The following MACF1 variants were observed in gnomAD, a reference collection of about 807,000 sequenced individuals.
The protein encoded by MACF1 is microtubule actin crosslinking factor 1.
In MACF1, 193 loss-of-function variants were observed where a neutral mutation model predicts 854.8. That is an observed-to-expected ratio of 0.23 (90% confidence interval 0.20 to 0.25). The LOEUF is 0.25. Ranked by LOEUF, MACF1 falls within the 10% of genes least tolerant of loss-of-function variation. The pLI, the probability that MACF1 is intolerant of heterozygous loss-of-function variation, is 1.00. For missense variants in MACF1, 7,722 were observed against 8,929.1 expected (o/e 0.86, Z 5.45); for synonymous variants, 3,185 against 3,226.7 (o/e 0.99, Z 0.44).
At chr1:39,179,614 A>G (rs1644077259) in intron 2 of MACF1, among the ~76,000 whole-genome samples, 1 of 152,064 alleles carries the variant, frequency 6.6e-6, no homozygotes, top group African/African-American at 2.4e-5. Flanking sequence ...TAGGCATTCA[A>G]TTATGTGTGA....
At chr1:39,308,225 C>G (rs902752545) in intron 23 of MACF1, among the ~76,000 whole-genome samples, 2 of 152,122 alleles carry the variant, frequency 1.3e-5, no homozygotes, top group East Asian at 3.8e-4. Context: ...TTATTTCATT[C>G]TCCTTGTTTT....
intron 21 of MACF1, chr1:39,299,379 C>T (rs1412657102): frequency 2.3e-6 from 1 of 426,826 alleles, no homozygotes; most frequent in Non-Finnish European, 4.7e-6. Flanking sequence ...AAGCCCTCTT[C>T]TGGGGAGACT....
Position 39,385,851 on chromosome 1 carries a change from G to A in MACF1, c.14266G>A (p.Glu4756Lys). 1.9e-6 allele frequency: 3 copies of A among 1,614,184 alleles called. No homozygotes were observed. Among genetic ancestry groups the A allele is most frequent in the Non-Finnish European group, 2.5e-6 (3 of 1,180,026 alleles). Residue 4756 changes from glutamate to lysine, a missense_variant, in exon 57 of 101, where the codon GAG becomes AAG. This residue lies in a region of MACF1 where 2,807 missense variants were observed against 3,235.8 expected (regional missense o/e 0.87). Coordinates refer to ENST00000564288, the MANE Select transcript of MACF1 (RefSeq NM_001394062.1). ...LCDELSVLIG[E>K]QYLKDELKKR... ...CGATGAACTCTCAGTGCTCATTGGT[G>A]AGCAGTACCTCAAGGATGAACTGAA...
At position 39,336,154 on chromosome 1, in the gene MACF1, TCA is replaced by T. The variant is rs1170844731; in HGVS notation, c.9569_9570del (p.Thr3190SerfsTer3). On this transcript the variant is annotated frameshift_variant, in exon 37 of 101. Transcript: ENST00000564288. LOFTEE classifies it high-confidence loss of function. ...GCAAGAGGTCTTAAATTGGAAGAAA[TCA>T]CAGTTTCTAGACCAGATTCAAAAGA... 1.2e-6 allele frequency: 2 copies of T among 1,613,978 alleles called. No individual in the cohort carries two copies. The highest frequency in any genetic ancestry group is 1.7e-6 in the Non-Finnish European group (2 of 1,180,024).
At position 39,434,403 on chromosome 1, in the gene MACF1, TGCTCACA is replaced by T; in HGVS notation, c.17566-10_17566-4del. On this transcript the variant is annotated splice_region_variant and splice_polypyrimidine_tract_variant and intron_variant, in intron 68 of 100. Transcript: ENST00000564288. ...TACTTATCCTTTTTTTTTTTTTTTT[TGCTCACA>T]TAGGAAAAGACAGAGTCTCTAATAC... is the stretch of plus-strand genomic sequence containing the variant. 3.0e-6 allele frequency: 4 copies of T among 1,331,662 alleles called. No homozygotes were observed. The highest frequency in any genetic ancestry group is 3.0e-5 in the African/African-American group (2 of 66,010). The allele number at this position is 1,331,662 out of a possible 1,614,324, so 82.5% of individuals were successfully genotyped here. A position where few individuals can be genotyped will look rare whatever the true frequency, so the allele number is the denominator to read the frequency against.
intron 2 of MACF1, among the ~76,000 whole-genome samples, chr1:39,245,485 G>C (rs188393686): frequency 2.7e-4 from 41 of 152,170 alleles, no homozygotes; most frequent in Admixed American, 1.6e-3. Context: ...TGTCATGTTG[G>C]CCAGGCTTGT....
chr1:39,096,875 CTTTTT>C (rs34305714), intron 2 of MACF1, among the ~76,000 whole-genome samples: 3 of 123,800 alleles, frequency 2.4e-5, no homozygotes, highest in Non-Finnish European at 1.7e-5. Flanking sequence ...TGAGGGATTC[CTTTTT>C]TTTTTTTTTT....
chr1:39,292,894 C>T (rs772003219), intron 17 of MACF1, 51 bp downstream of exon 17: 2 of 1,422,212 alleles, frequency 1.4e-6, no homozygotes, highest in East Asian at 2.3e-5. Context: ...CTGGTTCCCC[C>T]CAATCAACTC....
Position 39,310,349 on chromosome 1 carries a change from G to A in MACF1, c.3021G>A (p.Val1007=), listed in dbSNP as rs1020699444. Residue 1007 remains valine, a synonymous_variant, in exon 25 of 101, where the codon GTG becomes GTA. Transcript: ENST00000564288. ...GTCGTGACTCTGTGCTGTTCTCAGT[G>A]GCTGATCGCTTGCGCTTGGAAGAGG... ...QDSRDSVLFS[V]ADRLRLEEEV... 7 of 1,614,034 alleles carry A rather than the reference G, an allele frequency of 4.3e-6. No homozygotes were observed. Among genetic ancestry groups the A allele is most frequent in the African/African-American group, 2.7e-5 (2 of 74,908 alleles).
In MACF1 at chr1:39,334,744, G is replaced by A; in HGVS notation, c.8156G>A (p.Arg2719Lys). ...EEKLVDENMVRIIASHQVLNG... is the reference protein window; with the variant it reads ...EEKLVDENMVKIIASHQVLNG... ...AAACTGGTGGATGAAAACATGGTCA[G>A]AATTATTGCATCTCATCAGGTGTTA... Residue 2719 changes from arginine (R) to lysine (K), a missense_variant, in exon 37 of 101, where the codon AGA (arginine) becomes AAA (lysine). By Grantham distance (26) the Arg-to-Lys change is conservative. Around this residue, in one of 15 missense-constraint regions of MACF1, gnomAD observed 1,531 missense variants for 1,601.6 expected, o/e 0.96. Coordinates refer to ENST00000564288, the MANE Select transcript of MACF1 (RefSeq NM_001394062.1). 1 of 1,614,148 alleles carries A rather than the reference G, an allele frequency of 6.2e-7. No individual in the cohort carries two copies.
At position 39,317,196 on chromosome 1, in the gene MACF1, G is replaced by C; in HGVS notation, c.3589-18G>C. The C allele has an allele frequency of 6.2e-7, 1 of 1,611,070 alleles. No homozygotes were observed. Among genetic ancestry groups the C allele is most frequent in the East Asian group, 2.2e-5 (1 of 44,816 alleles). On this transcript the variant is annotated intron_variant, in intron 28 of 100. Coordinates refer to ENST00000564288, the MANE Select transcript of MACF1 (RefSeq NM_001394062.1). ...CATGGAAAGTATACAACCTGTTTCT[G>C]TACTTATGTTTCCACAGCACTGGCT... is the stretch of plus-strand genomic sequence containing the variant.
chr1:39,285,550 T>TA, intron 13 of MACF1, 54 bp from the exon 14 acceptor site: 5 of 1,580,080 alleles, frequency 3.2e-6, no homozygotes, highest in Non-Finnish European at 4.3e-6. Context: ...CCCTCTGTCC[T>TA]AGTGAGTGGG....
chr1:39,121,695 G>GT (rs1333967496), intron 2 of MACF1, among the ~76,000 whole-genome samples: 1 of 152,130 alleles, frequency 6.6e-6, no homozygotes, highest in Non-Finnish European at 1.5e-5. Flanking sequence ...TAGTCCGCTC[G>GT]TCTTGGCCTC....
intron 44 of MACF1, among the ~76,000 whole-genome samples, chr1:39,354,650 T>C (rs1278816943): frequency 1.3e-5 from 2 of 152,104 alleles, no homozygotes; most frequent in African/African-American, 4.8e-5. Flanking sequence ...GGTGATTTGC[T>C]CACCTCCCAA....
At chr1:39,412,689 T>C (rs1183452136) in intron 58 of MACF1, 4 of 1,613,820 alleles carry the variant, frequency 2.5e-6, no homozygotes, top group Non-Finnish European at 3.4e-6. Flanking sequence ...TCCTAAATAT[T>C]TTTCCAGAGA....
intron 1 of MACF1, among the ~76,000 whole-genome samples, chr1:39,217,524 AAAAAAT>A (rs1345327422): frequency 5.3e-5 from 8 of 151,916 alleles, no homozygotes; most frequent in Non-Finnish European, 1.0e-4. Context: ...ATCCCTCTCA[AAAAAAT>A]AAAAATAAAT....
At position 39,433,054 on chromosome 1, in the gene MACF1, T is replaced by G; in HGVS notation, c.17464T>G (p.Ser5822Ala). 6.3e-7 allele frequency: 1 copy of G among 1,599,028 alleles called. No individual in the cohort carries two copies. The highest frequency in any genetic ancestry group is 8.6e-7 in the Non-Finnish European group (1 of 1,168,466). The part of the protein sequence containing the change: ...TAQLQVQKAF[S>A]IDIIRHKDSM... ...TACAGTTTACTTTTCAAAGGCTTTCTCCATTGACATTATTCGACACAAAGA... is the reference window on the plus strand; with the variant it reads ...TACAGTTTACTTTTCAAAGGCTTTCGCCATTGACATTATTCGACACAAAGA... The change falls in exon 68 of 101, where the codon TCC becomes GCC. Residue 5822 changes from serine (S) to alanine (A), a missense_variant. This residue lies in a region of MACF1 where 2,807 missense variants were observed against 3,235.8 expected (regional missense o/e 0.87). Transcript: ENST00000564288.
rs1038445903 is a variant in MACF1, at chr1:39,322,708, C to T, written c.4130C>T (p.Thr1377Ile). Residue 1377 changes from threonine to isoleucine, a missense_variant, in exon 32 of 101, where the codon ACT (threonine) becomes ATT (isoleucine). Thr to Ile is a moderately conservative substitution (Grantham distance 89). This residue lies in a region of MACF1 where 1,137 missense variants were observed against 1,263.0 expected (regional missense o/e 0.90). Transcript: ENST00000564288. ...RRMLSSSDAI[T>I]QEFMDLRTRY... Reference sequence around the variant, plus strand: ...ATGCTTTCCTCTTCAGATGCCATCACTCAAGAGGTGAGAGGGTGGGGGAAG... The same window carrying T: ...ATGCTTTCCTCTTCAGATGCCATCATTCAAGAGGTGAGAGGGTGGGGGAAG... 6.2e-7 allele frequency: 1 copy of T among 1,614,014 alleles called. No individual in the cohort carries two copies. The highest frequency in any genetic ancestry group is 2.2e-5 in the East Asian group (1 of 44,882).
chr1:39,239,743 G>C (rs556147226), intron 2 of MACF1, among the ~76,000 whole-genome samples: 4 of 152,288 alleles, frequency 2.6e-5, no homozygotes, highest in Admixed American at 2.0e-4. Context: ...AGTTAGAAAG[G>C]AAAAGCCCAG....
Sources: allele counts gnomAD v4.1 joint callset (sites outside exome capture counted in the v4.1 genomes callset), GRCh38; gene constraint gnomAD v4.1.1; regional missense constraint gnomAD v4.1.1; transcripts MANE v1.5; gene names NCBI Gene and HGNC (gene_info 2026-07-23, HGNC 2026-07-21).